The following PTPRZ1 variants were observed in gnomAD, a reference collection of about 807,000 sequenced individuals.
PTPRZ1 encodes the protein protein tyrosine phosphatase receptor type Z1, also known as receptor-type tyrosine-protein phosphatase zeta.
A neutral mutation model predicts 214.1 loss-of-function variants in PTPRZ1; 82 were observed. The ratio of observed to expected loss-of-function variants is 0.38; its 90% confidence interval spans 0.32 to 0.46. PTPRZ1 has a LOEUF of 0.46. Among genes scored for constraint, PTPRZ1 ranks in the 20% least tolerant of loss-of-function variants. The pLI is 1.00. For missense variants in PTPRZ1, 2,603 were observed against 2,748.7 expected, an observed-to-expected ratio of 0.95 and a Z score of 1.19; for synonymous variants, 945 against 987.9, an observed-to-expected ratio of 0.96 and a Z score of 0.81.
At chr7:121,884,004 G>C (rs1313317173) in intron 1 of PTPRZ1, among the ~76,000 whole-genome samples, 1 of 152,200 alleles carries the variant, frequency 6.6e-6, no homozygotes, top group Non-Finnish European at 1.5e-5. Flanking sequence ...TACATGAATT[G>C]GTAAATTAAT....
intron 14 of PTPRZ1, among the ~76,000 whole-genome samples, chr7:122,030,621 A>C (rs2116721301): frequency 6.6e-6 from 1 of 152,156 alleles, no homozygotes; most frequent in African/African-American, 2.4e-5. Context: ...AATTCTTGGT[A>C]ACTGAAGCTT....
chr7:121,874,620 AC>A (rs1793996714), intron 1 of PTPRZ1, among the ~76,000 whole-genome samples: 1 of 152,210 alleles, frequency 6.6e-6, no homozygotes, highest in African/African-American at 2.4e-5. Context: ...TGGCACAGTA[AC>A]CTTTACAAAC....
intron 3 of PTPRZ1, among the ~76,000 whole-genome samples, chr7:121,971,654 T>C (rs1197989328): frequency 6.6e-6 from 1 of 152,190 alleles, no homozygotes; most frequent in Admixed American, 6.5e-5. Flanking sequence ...AAATGGATAA[T>C]ATATGTAAAG....
chr7:121,878,344 T>C (rs375181016), intron 1 of PTPRZ1, among the ~76,000 whole-genome samples: 3 of 152,178 alleles, frequency 2.0e-5, no homozygotes, highest in African/African-American at 7.2e-5. Flanking sequence ...AGTGTTGTTT[T>C]GGAACAACAA....
intron 1 of PTPRZ1, among the ~76,000 whole-genome samples, chr7:121,914,460 A>G (rs1354678792): frequency 2.6e-5 from 4 of 152,144 alleles, no homozygotes; most frequent in African/African-American, 4.8e-5. Context: ...AAACTTCTGG[A>G]GACCTGGAGA....
chr7:122,015,573 G>A (rs1024910066), intron 12 of PTPRZ1, among the ~76,000 whole-genome samples: 4 of 151,990 alleles, frequency 2.6e-5, no homozygotes, highest in African/African-American at 9.7e-5. Context: ...ACTGTTATCT[G>A]TTCTCAATTA....
intron 1 of PTPRZ1, among the ~76,000 whole-genome samples, chr7:121,893,265 G>T (rs1794693069): frequency 6.6e-6 from 1 of 152,128 alleles, no homozygotes; most frequent in Admixed American, 6.5e-5. Context: ...ACCCCAAATG[G>T]CTGTGTGGTT....
intron 29 of PTPRZ1, 107 bp downstream of exon 29, chr7:122,059,995 A>AT: frequency 9.0e-7 from 1 of 1,106,712 alleles, no homozygotes. Context: ...AACTGATAAC[A>AT]TTAGTATGTA....
chr7:121,981,466 A>G (rs904183199), intron 6 of PTPRZ1, among the ~76,000 whole-genome samples: 15 of 152,246 alleles, frequency 9.9e-5, no homozygotes. Flanking sequence ...GAGAGGGCAG[A>G]GGACTTGCAC....
rs61732012 is a variant in PTPRZ1 at position 122,059,842 on chromosome 7, T to G, written c.6761T>G (p.Val2254Gly). ...EKENSVDVYQVAKMINLMRPG... is the reference protein window; with the variant it reads ...EKENSVDVYQGAKMINLMRPG... The stretch of plus-strand genomic sequence containing the variant: ...GAAAATTCCGTGGATGTTTACCAGG[T>G]AGCCAAGATGATCAATCTGATGAGG... Residue 2254 changes from valine to glycine, a missense_variant, in exon 29 of 30, where the codon GTA becomes GGA. By Grantham distance (109) the Val-to-Gly change is moderately radical. Transcript: ENST00000393386. 8.5e-5 allele frequency: 137 copies of G among 1,613,744 alleles called. No homozygotes were observed. In the African/African-American group the frequency reaches 1.7e-3, roughly 20 times the overall value.
At chr7:122,045,034 A>T (rs544335080) in intron 23 of PTPRZ1, among the ~76,000 whole-genome samples, 1 of 152,076 alleles carries the variant, frequency 6.6e-6, no homozygotes, top group Non-Finnish European at 1.5e-5. Flanking sequence ...CTTCAACCCC[A>T]GTTTCTCCCC....
chr7:122,059,474 G>GT (rs11409860), intron 28 of PTPRZ1: 155,917 of 263,030 alleles, frequency 0.59, 48,546 homozygotes, highest in African/African-American at 0.88. Flanking sequence ...ATACTCTCAG[G>GT]TTTTTTTTAT....
intron 10 of PTPRZ1, among the ~76,000 whole-genome samples, chr7:121,998,486 T>A (rs2116617830): frequency 6.6e-6 from 1 of 152,284 alleles, no homozygotes; most frequent in East Asian, 1.9e-4. Context: ...CTTTTTATAA[T>A]TTGGTTATGG....
chr7:122,059,111 T>A (rs1792477688), intron 28 of PTPRZ1, among the ~76,000 whole-genome samples, 169 bp downstream of exon 28: 1 of 144,006 alleles, frequency 6.9e-6, no homozygotes, highest in Non-Finnish European at 1.5e-5. Flanking sequence ...TTTTTTTTTT[T>A]ACTTCACTTG....
In PTPRZ1 at chr7:121,906,402, A is replaced by G. The variant is rs3757547; in HGVS notation, c.59-21754A>G. The stretch of plus-strand genomic sequence containing the variant: ...TAGTAGTTAAAATAAAACTATATTA[A>G]TTGCCTTCTTACTAATGTACTAAAG... On this transcript the variant is annotated intron_variant, in intron 1 of 29. Coordinates refer to ENST00000393386, the MANE Select transcript of PTPRZ1 (RefSeq NM_002851.3). 2.0e-5 allele frequency among the ~76,000 whole-genome samples: 3 copies of G among 152,260 alleles called. No homozygotes were observed. In the East Asian group the frequency reaches 5.8e-4, roughly 29 times the overall value.
intron 2 of PTPRZ1, among the ~76,000 whole-genome samples, chr7:121,949,354 G>T (rs1238303675): frequency 6.6e-6 from 1 of 152,062 alleles, no homozygotes; most frequent in Non-Finnish European, 1.5e-5. Flanking sequence ...TGATTTGGGG[G>T]CCCCAAGTTT....
In PTPRZ1 at chr7:121,984,152, T is replaced by C. The variant is rs758495608; in HGVS notation, c.928+35T>C. On this transcript the variant is annotated intron_variant, in intron 8 of 29. Coordinates refer to ENST00000393386, the MANE Select transcript of PTPRZ1 (RefSeq NM_002851.3). ...TAAATATAATCTTCTACAACTCTCA[T>C]AGATGCAGTGTTATAGGAGGTAATT... 4 of 1,584,658 alleles carry C rather than the reference T, an allele frequency of 2.5e-6. No individual in the cohort carries two copies. In the South Asian group the frequency reaches 3.4e-5, roughly 13 times the overall value.
At chr7:121,919,251 A>T (rs1464246413) in intron 1 of PTPRZ1, among the ~76,000 whole-genome samples, 2 of 152,064 alleles carry the variant, frequency 1.3e-5, no homozygotes, top group East Asian at 3.8e-4. Flanking sequence ...TGCTATCTTC[A>T]CATTATTTTA....
Position 121,984,037 on chromosome 7 carries a change from A to C in PTPRZ1, c.848A>C (p.Asn283Thr), listed in dbSNP as rs747435968. The C allele has an allele frequency of 2.5e-6, 4 of 1,613,692 alleles. No homozygotes were observed. The highest frequency in any genetic ancestry group is 3.4e-6 in the Non-Finnish European group (4 of 1,179,738). ...GYVMLMDYLQ[N>T]NFREQQYKFS... Reference sequence around the variant, plus strand: ...GTCATGCTGATGGACTACTTACAAAACAATTTTCGAGAGCAACAGTACAAG... The same window carrying C: ...GTCATGCTGATGGACTACTTACAAACCAATTTTCGAGAGCAACAGTACAAG... Residue 283 changes from asparagine to threonine, a missense_variant, in exon 8 of 30, where the codon AAC (asparagine) becomes ACC (threonine). Around this residue, in one of 6 missense-constraint regions of PTPRZ1, gnomAD observed 244 missense variants for 333.2 expected, o/e 0.73. Coordinates refer to ENST00000393386, the MANE Select transcript of PTPRZ1 (RefSeq NM_002851.3).
Sources: gnomAD v4.1 joint callset for allele counts (sites outside exome capture counted in the v4.1 genomes callset) on GRCh38, gnomAD v4.1.1 for gene constraint, gnomAD v4.1.1 regional missense constraint, MANE v1.5 for transcripts, NCBI Gene and HGNC (gene_info 2026-07-23, HGNC 2026-07-21) for gene names.